The following DISC1 variants were observed in gnomAD, a reference collection of about 807,000 sequenced individuals.
DISC1 encodes the protein disrupted in schizophrenia 1 protein.
DISC1 carries 57 observed loss-of-function variants against 84.5 expected under a neutral mutation model. The observed-to-expected ratio is 0.67, with a 90% CI of 0.55 to 0.84. The LOEUF (loss-of-function observed/expected upper bound fraction) is 0.84, where lower values mean the gene tolerates loss of function less well. Among genes scored for constraint, DISC1 ranks in the 40% least tolerant of loss-of-function variants. The pLI is 0.00. For missense variants in DISC1, 1,000 were observed against 1,057.8 expected (o/e 0.95, Z 0.76); for synonymous variants, 411 against 415.2 (o/e 0.99, Z 0.12).
intron 9 of DISC1, among the ~76,000 whole-genome samples, chr1:231,823,459 C>T (rs2081641549): frequency 6.6e-6 from 1 of 152,190 alleles, no homozygotes; most frequent in South Asian, 2.1e-4. Flanking sequence ...CTAGAAGTCA[C>T]AGCAAAGAAG....
At chr1:231,654,307 G>A (rs1057396518) in intron 1 of DISC1, among the ~76,000 whole-genome samples, 1 of 146,940 alleles carries the variant, frequency 6.8e-6, no homozygotes, top group East Asian at 2.3e-4. Context: ...AATTTGATAG[G>A]ATTCTGTTTT....
At chr1:231,752,603 C>T (rs1229884191) in intron 4 of DISC1, among the ~76,000 whole-genome samples, 1 of 152,156 alleles carries the variant, frequency 6.6e-6, no homozygotes, top group Non-Finnish European at 1.5e-5. Context: ...CATATCATTC[C>T]ACCCATGTTC....
chr1:231,928,932 T>C (rs2090498676), intron 9 of DISC1, among the ~76,000 whole-genome samples: 1 of 152,250 alleles, frequency 6.6e-6, no homozygotes, highest in Non-Finnish European at 1.5e-5. Context: ...CAGTTTGTTA[T>C]GATTTCCGTT....
intron 10 of DISC1, among the ~76,000 whole-genome samples, chr1:231,967,184 T>C (rs1242346347): frequency 6.6e-6 from 1 of 152,172 alleles, no homozygotes; most frequent in Non-Finnish European, 1.5e-5. Flanking sequence ...GCCAGCAGGG[T>C]GAGCAGCACC....
intron 9 of DISC1, among the ~76,000 whole-genome samples, chr1:231,855,583 G>A (rs953751546): frequency 6.6e-6 from 1 of 152,120 alleles, no homozygotes; most frequent in East Asian, 1.9e-4. Context: ...AATATTGGAG[G>A]GCAGGGGTTG....
intron 6 of DISC1, among the ~76,000 whole-genome samples, chr1:231,782,822 G>C (rs540660424): frequency 2.6e-5 from 4 of 152,084 alleles, no homozygotes; most frequent in Admixed American, 1.3e-4. Context: ...CGTCTGTGTA[G>C]TTCCAGCTAC....
At chr1:231,744,238 C>G (rs751206805) in intron 3 of DISC1, among the ~76,000 whole-genome samples, 1 of 152,014 alleles carries the variant, frequency 6.6e-6, no homozygotes, top group South Asian at 2.1e-4. Context: ...GCTCATGGCC[C>G]GAGGTGATGG....
intron 8 of DISC1, 91 bp from the exon 9 acceptor site, chr1:231,818,238 T>A: frequency 7.7e-7 from 1 of 1,294,580 alleles, no homozygotes; most frequent in Non-Finnish European, 1.1e-6. Context: ...TTGCCCATGC[T>A]GTGAATGTAC....
At chr1:231,668,406 A>G (rs200163779) in intron 1 of DISC1, among the ~76,000 whole-genome samples, 106 of 152,262 alleles carry the variant, frequency 7.0e-4, no homozygotes, top group South Asian at 1.7e-3. Flanking sequence ...GGTATAAACT[A>G]GAATAACTTT....
chr1:231,978,968 G>C (rs984739203), intron 10 of DISC1, among the ~76,000 whole-genome samples: 1 of 152,146 alleles, frequency 6.6e-6, no homozygotes, highest in Non-Finnish European at 1.5e-5. Context: ...GTGAGTAAGC[G>C]AAGCTTTTTC....
At chr1:231,925,050 G>GGTGT (rs901591896) in intron 9 of DISC1, among the ~76,000 whole-genome samples, 1 of 151,746 alleles carries the variant, frequency 6.6e-6, no homozygotes, top group African/African-American at 2.4e-5. Context: ...AATTGCACTG[G>GGTGT]GTGTGGCAAG....
intron 9 of DISC1, among the ~76,000 whole-genome samples, chr1:231,905,793 G>A (rs943149583): frequency 1.3e-5 from 2 of 151,992 alleles, no homozygotes; most frequent in Non-Finnish European, 2.9e-5. Context: ...CTGAGGATTC[G>A]ATGGTAGTAG....
Position 232,031,600 on chromosome 1 carries a change from T to C in DISC1, c.2425+5048T>C, listed in dbSNP as rs200686203. 1.3e-4 allele frequency among the ~76,000 whole-genome samples: 20 copies of C among 152,238 alleles called. No homozygotes were observed. Among genetic ancestry groups the C allele is most frequent in the Admixed American group, 5.9e-4 (9 of 15,288 alleles). ...TGTGTGTGATGGGCTGGTGCAGATA[T>C]AGTAGTCACAGTTCTTTCCTTAGGC... On this transcript the variant is annotated intron_variant, in intron 12 of 12. Transcript: ENST00000439617. The surrounding 1 kb of genome is among the most constrained non-coding windows in gnomAD (Gnocchi z 4.6).
intron 7 of DISC1, among the ~76,000 whole-genome samples, chr1:231,798,120 CACACACACACACACAT>C (rs2078911248): frequency 6.6e-6 from 1 of 151,082 alleles, no homozygotes; most frequent in Middle Eastern, 3.4e-3. Flanking sequence ...ACACCACACA[CACACACACACACACAT>C]ACACACACAC....
chr1:231,647,992 A>AT (rs1241153189), intron 1 of DISC1, among the ~76,000 whole-genome samples: 1 of 152,254 alleles, frequency 6.6e-6, no homozygotes, highest in Non-Finnish European at 1.5e-5. Flanking sequence ...ATATACAATC[A>AT]TATCATCTGC....
intron 9 of DISC1, among the ~76,000 whole-genome samples, chr1:231,942,342 T>C (rs2091395870): frequency 6.6e-6 from 1 of 152,114 alleles, no homozygotes; most frequent in African/African-American, 2.4e-5. Context: ...CTTCTCTATT[T>C]CCCAGCTGTG....
intron 10 of DISC1, among the ~76,000 whole-genome samples, chr1:231,980,325 A>G (rs1012319398): frequency 6.6e-6 from 1 of 152,232 alleles, no homozygotes; most frequent in African/African-American, 2.4e-5. Flanking sequence ...CTGTAGACCT[A>G]TCAGTCGTTC....
rs151164293 is a variant in DISC1, at chr1:231,973,195, C to T, written c.2042+14307C>T. ...CTGAGTAGCTGGGACTACAGGCGTGCGCCACCACGCCTGGCTAATCTTTGT... is the reference window on the plus strand; with the variant it reads ...CTGAGTAGCTGGGACTACAGGCGTGTGCCACCACGCCTGGCTAATCTTTGT... On this transcript the variant is annotated intron_variant, in intron 10 of 12. Transcript: ENST00000439617. Among the ~76,000 whole-genome samples the T allele has an allele frequency of 4.0e-3, 609 of 152,020 alleles. 3 individuals carry two copies. Among genetic ancestry groups the T allele is most frequent in the African/African-American group, 0.013 (547 of 41,478 alleles).
intron 9 of DISC1, among the ~76,000 whole-genome samples, chr1:231,856,688 G>T (rs756587697): frequency 3.3e-5 from 5 of 152,162 alleles, no homozygotes; most frequent in Non-Finnish European, 7.4e-5. Context: ...CTGCTCAGTG[G>T]GGAACTGAAG....
Sources: allele counts gnomAD v4.1 joint callset (sites outside exome capture counted in the v4.1 genomes callset), GRCh38; gene constraint gnomAD v4.1.1; non-coding constraint Gnocchi (gnomAD v3.1); transcripts MANE v1.5; gene names NCBI Gene and HGNC (gene_info 2026-07-23, HGNC 2026-07-21).